Variants in TTC27 observed in about 807,000 individuals in gnomAD.
The protein encoded by TTC27 is tetratricopeptide repeat protein 27.
A neutral mutation model predicts 115.9 loss-of-function variants in TTC27; 79 were observed. The ratio of observed to expected loss-of-function variants is 0.68; its 90% CI spans 0.57 to 0.82. TTC27 has a LOEUF of 0.82. TTC27 is among the 40% of genes least tolerant of loss of function. TTC27 has a pLI of 0.00. For missense variants in TTC27, 1,054 were observed against 993.1 expected (o/e 1.06, Z -0.82); for synonymous variants, 401 against 356.0 (o/e 1.13, Z -1.42).
chr2:32,715,554 T>A (rs148909223), intron 10 of TTC27, among the ~76,000 whole-genome samples: 2,008 of 152,310 alleles, frequency 0.013, 22 homozygotes, highest in Non-Finnish European at 0.019. Flanking sequence ...TGTAGTTGCA[T>A]GCATGCTTTG....
chr2:32,644,029 A>G (rs545711118), intron 4 of TTC27, among the ~76,000 whole-genome samples: 1 of 152,010 alleles, frequency 6.6e-6, no homozygotes, highest in South Asian at 2.1e-4. Context: ...AAAAATACAA[A>G]AGTTAGCCGG....
intron 9 of TTC27, among the ~76,000 whole-genome samples, chr2:32,685,278 T>TCCAC (rs1666592381): frequency 6.6e-6 from 1 of 152,086 alleles, no homozygotes; most frequent in Admixed American, 6.6e-5. Flanking sequence ...GATCTGCACT[T>TCCAC]CTTGGCCTCC....
chr2:32,716,650 A>G (rs1048057936), intron 10 of TTC27, among the ~76,000 whole-genome samples: 3 of 151,348 alleles, frequency 2.0e-5, no homozygotes, highest in Non-Finnish European at 4.4e-5. Context: ...TTGTTACTCT[A>G]TATTCTATTG....
chr2:32,674,990 A>G (rs1666147452), intron 8 of TTC27, among the ~76,000 whole-genome samples: 1 of 152,240 alleles, frequency 6.6e-6, no homozygotes, highest in African/African-American at 2.4e-5. Flanking sequence ...TGTTTACTGC[A>G]TAAAAAATAC....
chr2:32,800,235 T>C (rs1379944343), intron 16 of TTC27, among the ~76,000 whole-genome samples: 3 of 152,254 alleles, frequency 2.0e-5, no homozygotes, highest in Non-Finnish European at 4.4e-5. Flanking sequence ...TCACCCAGGC[T>C]GGAGTGCAAT....
Position 32,820,978 on chromosome 2 carries a change from G to C in TTC27, c.*40G>C, listed in dbSNP as rs752429825. On this transcript the variant is annotated 3_prime_UTR_variant, in exon 20 of 20. Transcript: ENST00000317907. ...GATTCTGGAAAAGGTGCTTTCACCT[G>C]CTGGTAAAAGATACATCTGTATATC... The C allele has an allele frequency of 7.0e-7, 1 of 1,438,346 alleles. No homozygotes were observed. 89.1% of individuals were successfully genotyped at this position (1,438,346 alleles called of 1,614,324 possible).
intron 10 of TTC27, among the ~76,000 whole-genome samples, chr2:32,711,116 CAAAAAA>C (rs34140897): frequency 3.3e-5 from 2 of 59,944 alleles, no homozygotes; most frequent in East Asian, 5.8e-4. Context: ...GACTCTGTCT[CAAAAAA>C]AAAAAAAAAA....
chr2:32,660,197 T>A (rs1362254345), intron 5 of TTC27, among the ~76,000 whole-genome samples: 3 of 152,234 alleles, frequency 2.0e-5, no homozygotes, highest in African/African-American at 7.2e-5. Context: ...GACTTTTTAA[T>A]GATCGCCATT....
chr2:32,652,071 C>A (rs992147361), intron 5 of TTC27, among the ~76,000 whole-genome samples: 9 of 152,018 alleles, frequency 5.9e-5, no homozygotes, highest in Non-Finnish European at 1.2e-4. Context: ...GCTTATGTAT[C>A]TTTTTAAAAG....
chr2:32,739,995 C>T (rs1668574696), intron 12 of TTC27, among the ~76,000 whole-genome samples: 2 of 152,192 alleles, frequency 1.3e-5, no homozygotes, highest in South Asian at 4.1e-4. Context: ...TGTAGGGTCT[C>T]AGAAATTCTA....
Position 32,702,906 on chromosome 2 carries a change from A to G in TTC27, c.1219A>G (p.Met407Val), listed in dbSNP as rs1458020796. 1 of 1,613,740 alleles carries G rather than the reference A, an allele frequency of 6.2e-7. No homozygotes were observed. The highest frequency in any genetic ancestry group is 8.5e-7 in the Non-Finnish European group (1 of 1,179,742). ...AAGTACTCGCCGAGTGGAACGGGCA[A>G]TGAGGCAGACACAGGTAAGAATTAA... The part of the protein sequence containing the change: ...KGSTRRVERA[M>V]RQTQALADQF... Residue 407 changes from methionine to valine, a missense_variant, in exon 10 of 20, where the codon ATG (methionine) becomes GTG (valine). Physicochemically the swap from Met to Val is conservative, Grantham distance 21 (BLOSUM62 1). Coordinates refer to ENST00000317907, the MANE Select transcript of TTC27 (RefSeq NM_017735.5).
intron 16 of TTC27, among the ~76,000 whole-genome samples, chr2:32,804,716 G>A (rs1671071352): frequency 1.3e-5 from 2 of 151,766 alleles, no homozygotes; most frequent in African/African-American, 4.8e-5. Flanking sequence ...GACCCAATAA[G>A]CATAATGTTA....
chr2:32,733,997 TTTTAA>T (rs1415527816), intron 11 of TTC27, 74 bp downstream of exon 11: 1 of 1,025,022 alleles, frequency 9.8e-7, no homozygotes, highest in Non-Finnish European at 1.4e-6. Context: ...AAATTGATGA[TTTTAA>T]TTTATGTTTG....
At chr2:32,661,102 G>A (rs1284765739) in intron 5 of TTC27, among the ~76,000 whole-genome samples, 1 of 152,096 alleles carries the variant, frequency 6.6e-6, no homozygotes, top group Non-Finnish European at 1.5e-5. Flanking sequence ...TATTTCTGAG[G>A]CCTCTACTCT....
chr2:32,630,334 T>C (rs549962243), intron 1 of TTC27, among the ~76,000 whole-genome samples, 189 bp from the exon 2 acceptor site: 8 of 152,322 alleles, frequency 5.3e-5, no homozygotes, highest in African/African-American at 1.9e-4. Context: ...GAGCTGCTAA[T>C]TCTAGGAGAG....
At chr2:32,700,678 C>T (rs1425212850) in intron 9 of TTC27, among the ~76,000 whole-genome samples, 1 of 152,162 alleles carries the variant, frequency 6.6e-6, no homozygotes, top group Non-Finnish European at 1.5e-5. Context: ...GCTGGTATCA[C>T]AGGCACTCGC....
intron 13 of TTC27, among the ~76,000 whole-genome samples, chr2:32,771,869 G>C (rs1449479757): frequency 6.6e-6 from 1 of 152,310 alleles, no homozygotes; most frequent in Non-Finnish European, 1.5e-5. Flanking sequence ...AATCAGGCAG[G>C]GGTACAGAAA....
chr2:32,629,445 A>G (rs2151856453), intron 1 of TTC27, among the ~76,000 whole-genome samples: 1 of 147,592 alleles, frequency 6.8e-6, no homozygotes, highest in East Asian at 2.0e-4. Flanking sequence ...TATTTTTTTT[A>G]TTTTTTTGAG....
At chr2:32,737,145 T>C in intron 12 of TTC27, among the ~76,000 whole-genome samples, 1 of 152,190 alleles carries the variant, frequency 6.6e-6, no homozygotes, top group East Asian at 1.9e-4. Flanking sequence ...GCTGTGGGCC[T>C]CAATGGAGGT....
Sources: gnomAD v4.1 joint callset for allele counts (sites outside exome capture counted in the v4.1 genomes callset) on GRCh38, gnomAD v4.1.1 for gene constraint, MANE v1.5 for transcripts, NCBI Gene and HGNC (gene_info 2026-07-23, HGNC 2026-07-21) for gene names.